The following PWWP2A variants were observed in gnomAD, a reference collection of about 807,000 sequenced individuals.
PWWP2A encodes the protein PWWP domain-containing protein 2A.
In PWWP2A, 18 loss-of-function variants were observed where a neutral mutation model predicts 48.5. The observed-to-expected ratio is 0.37, with a 90% confidence interval of 0.26 to 0.55. The LOEUF is 0.55. Ranked by LOEUF, PWWP2A falls within the 20% of genes least tolerant of loss-of-function variation. The pLI, the probability that PWWP2A is intolerant of heterozygous loss-of-function variation, is 0.81. For synonymous variants in PWWP2A, 396 were observed against 387.7 expected (o/e 1.02, Z -0.25); for missense variants, 867 against 976.4 (o/e 0.89, Z 1.49).
the PWWP2A span, among the ~76,000 whole-genome samples, chr5:160,045,327 T>G: frequency 3.8e-3 from 580 of 152,208 alleles, 1 homozygote; most frequent in Non-Finnish European, 5.4e-3. Flanking sequence ...TGTTTTTGGA[T>G]TTGCTTAAAC....
intron 2 of PWWP2A, among the ~76,000 whole-genome samples, chr5:160,085,570 G>A (rs559699298): frequency 3.6e-5 from 5 of 140,360 alleles, no homozygotes; most frequent in Admixed American, 7.4e-5. Context: ...GTAATGGCGC[G>A]ATCTCGGCTC....
intron 1 of PWWP2A, among the ~76,000 whole-genome samples, chr5:160,115,137 CAAAAAAAAAAAAAAAAAA>C (rs535110852): frequency 1.2e-4 from 11 of 88,406 alleles, no homozygotes; most frequent in African/African-American, 2.9e-4. Context: ...GAGACTCTGT[CAAAAAAAAAAAAAAAAAA>C]AAAAAAAAAA....
downstream of PWWP2A, among the ~76,000 whole-genome samples, chr5:160,059,993 C>T (rs1338129348): frequency 2.6e-5 from 4 of 152,198 alleles, no homozygotes; most frequent in Non-Finnish European, 5.9e-5. Flanking sequence ...AAAATAAAGT[C>T]TGCCTGTATA....
chr5:160,086,567 A>C (rs1754659626), downstream of PWWP2A, among the ~76,000 whole-genome samples: 3 of 151,962 alleles, frequency 2.0e-5, no homozygotes, highest in Admixed American at 1.3e-4. Flanking sequence ...TTCACCTTTA[A>C]ACCAAGTTTG....
intron 1 of PWWP2A, among the ~76,000 whole-genome samples, chr5:160,097,517 C>T (rs1171242111): frequency 6.6e-6 from 1 of 151,476 alleles, no homozygotes; most frequent in Non-Finnish European, 1.5e-5. Context: ...GTAGTCCCAA[C>T]TACTCGGGAG....
At chr5:160,055,537 A>AT in the PWWP2A span, among the ~76,000 whole-genome samples, 1 of 152,262 alleles carries the variant, frequency 6.6e-6, no homozygotes, top group Non-Finnish European at 1.5e-5. Flanking sequence ...TGCCCAGAAC[A>AT]TCAGCACCTG....
intron 1 of PWWP2A, chr5:160,113,171 G>A (rs374491754): frequency 4.4e-5 from 40 of 916,334 alleles, no homozygotes; most frequent in Non-Finnish European, 5.2e-5. Context: ...AAAAAAAAAA[G>A]AAAAAAAGCC....
downstream of PWWP2A, among the ~76,000 whole-genome samples, chr5:160,060,857 C>T (rs1561641935): frequency 6.6e-6 from 1 of 152,220 alleles, no homozygotes; most frequent in Non-Finnish European, 1.5e-5. Flanking sequence ...GTTCCACTGA[C>T]CACACTCTGG....
At position 160,093,610 on chromosome 5, in the gene PWWP2A, T is replaced by G. The variant is rs778203352; in HGVS notation, c.1040A>C (p.Lys347Thr). The change falls in exon 2 of 2, where the codon AAA becomes ACA. Residue 347 changes from lysine to threonine, a missense_variant. Lys to Thr is a moderately conservative substitution (Grantham distance 78). This residue lies in a region of PWWP2A where 382 missense variants were observed against 407.2 expected (regional missense o/e 0.94). Transcript: ENST00000307063. This position sits in a 1 kb window ranked among gnomAD's most constrained non-coding sequence, Gnocchi z 5.8. ...RKGSSATDSS[K>T]YEDKKRRNES... ...ATTTCTCCGTTTTTTATCTTCATAT[T>G]TAGAAGAGTCAGTTGCACTACTACC... The G allele has an allele frequency of 1.2e-6, 2 of 1,613,924 alleles. No individual in the cohort carries two copies. Among genetic ancestry groups the G allele is most frequent in the Non-Finnish European group, 1.7e-6 (2 of 1,179,868 alleles).
rs900783144 is a variant in PWWP2A, at chr5:160,115,061, C to T, written c.584+3744G>A. On this transcript the variant is annotated intron_variant, in intron 1 of 1. Transcript: ENST00000307063. The stretch of plus-strand genomic sequence containing the variant: ...CTGAGGCAGAAGAATCACTTGAACC[C>T]GGTGGGGCGCAGAGGATGCAGAGAG... Among the ~76,000 whole-genome samples, 22 of 142,884 alleles carry T rather than the reference C, an allele frequency of 1.5e-4. 1 individual carries two copies. The highest frequency in any genetic ancestry group is 4.5e-4 in the South Asian group (2 of 4,492). The allele number at this position is 142,884 out of a possible 152,430, so 93.7% of individuals were successfully genotyped here. A position where few individuals can be genotyped will look rare whatever the true frequency, so the allele number is the denominator to read the frequency against.
At chr5:160,064,857 A>G in intron 4 of PWWP2A, 2 of 1,465,282 alleles carry the variant, frequency 1.4e-6, no homozygotes. Context: ...ACTCAGTGGT[A>G]AGGCAAGATT....
downstream of PWWP2A, chr5:160,091,207 T>C (rs1334390978): frequency 2.1e-6 from 2 of 971,622 alleles, no homozygotes; most frequent in Non-Finnish European, 2.4e-6. Context: ...TTATCTCAGA[T>C]AATATATTCC....
At chr5:160,088,357 C>T (rs889624865), downstream of PWWP2A, among the ~76,000 whole-genome samples, 23 of 152,200 alleles carry the variant, frequency 1.5e-4, no homozygotes, top group African/African-American at 5.1e-4. Flanking sequence ...CTCAGCCTCT[C>T]GAGTAGCTGG....
In PWWP2A at chr5:160,119,432, G is replaced by A; in HGVS notation, c.-44C>T. On this transcript the variant is annotated 5_prime_UTR_variant, in exon 1 of 2. Transcript: ENST00000307063. ...CTCCTCCAACTCCGGCTGCAGCGGC[G>A]GCGGCGACAGCGCTGCTTGGTTCCC... is the stretch of plus-strand genomic sequence containing the variant. The A allele has an allele frequency of 3.0e-6, 4 of 1,354,088 alleles. No individual in the cohort carries two copies. The highest frequency in any genetic ancestry group is 1.9e-6 in the Non-Finnish European group (2 of 1,059,186). 83.9% of individuals were successfully genotyped at this position (1,354,088 alleles called of 1,614,324 possible).
chr5:160,114,264 C>A (rs1335847401), intron 1 of PWWP2A, among the ~76,000 whole-genome samples: 1 of 152,170 alleles, frequency 6.6e-6, no homozygotes, highest in Non-Finnish European at 1.5e-5. Flanking sequence ...GGCGCGGTGG[C>A]TCATGCCTGT....
At chr5:160,081,123 A>G (rs1291339061) in intron 2 of PWWP2A, among the ~76,000 whole-genome samples, 1 of 152,172 alleles carries the variant, frequency 6.6e-6, no homozygotes, top group Non-Finnish European at 1.5e-5. Context: ...AAAATGTTTT[A>G]CTAATCTCAC....
chr5:160,093,552 T>C lies in PWWP2A; in HGVS notation c.1098A>G (p.Lys366=). The change falls in exon 2 of 2, where the codon AAA becomes AAG. Residue 366 remains lysine, a synonymous_variant. Transcript: ENST00000307063. The surrounding 1 kb of genome is among the most constrained non-coding windows in gnomAD (Gnocchi z 5.8). ...ESVTTVNKKL[K]TDHKVDGKNQ... ...TTTTCCCATCCACTTTATGGTCAGT[T>C]TTCAGTTTTTTGTTCACAGTAGTTA... 1.2e-6 allele frequency: 2 copies of C among 1,613,418 alleles called. No homozygotes were observed. The highest frequency in any genetic ancestry group is 2.2e-5 in the South Asian group (2 of 90,996).
downstream of PWWP2A, chr5:160,089,371 T>A: frequency 2.9e-6 from 1 of 344,750 alleles, no homozygotes; most frequent in Non-Finnish European, 5.3e-6. Flanking sequence ...CCCAGCTAAG[T>A]TTTTATTTTT....
intron 1 of PWWP2A, among the ~76,000 whole-genome samples, chr5:160,097,772 G>A (rs997962420): frequency 6.9e-6 from 1 of 145,238 alleles, no homozygotes; most frequent in Non-Finnish European, 1.5e-5. Flanking sequence ...CTGGAGTGCA[G>A]TGGCACAATC....
Sources: gnomAD v4.1 joint callset for allele counts (sites outside exome capture counted in the v4.1 genomes callset) on GRCh38, gnomAD v4.1.1 for gene constraint, gnomAD v4.1.1 regional missense constraint, Gnocchi (gnomAD v3.1) non-coding constraint, MANE v1.5 for transcripts, NCBI Gene and HGNC (gene_info 2026-07-23, HGNC 2026-07-21) for gene names.